ZFAT: variants seen among roughly 807,000 people sequenced by gnomAD.
ZFAT encodes zinc finger and AT-hook domain containing, also known as zinc finger protein ZFAT.
In ZFAT, 64 loss-of-function variants were observed where a neutral mutation model predicts 117.7. The ratio of observed to expected loss-of-function variants is 0.54; its 90% CI spans 0.44 to 0.67. The LOEUF is 0.67. Among genes scored for constraint, ZFAT ranks in the 30% least tolerant of loss-of-function variants. ZFAT has a pLI of 0.00. For missense variants in ZFAT, 1,433 were observed against 1,584.5 expected, an observed-to-expected ratio of 0.90 and a Z score of 1.62; for synonymous variants, 679 against 615.0, an observed-to-expected ratio of 1.10 and a Z score of -1.54.
chr8:134,826,000 G>C, the ZFAT span, among the ~76,000 whole-genome samples: 1 of 146,992 alleles, frequency 6.8e-6, no homozygotes, highest in Non-Finnish European at 1.5e-5. Flanking sequence ...CAGCCTGGGC[G>C]ACAGAGCGAG....
chr8:134,701,532 G>A (rs1015297468), intron 1 of ZFAT, among the ~76,000 whole-genome samples: 5 of 152,200 alleles, frequency 3.3e-5, no homozygotes, highest in South Asian at 2.1e-4. Context: ...TCCAAGAAGC[G>A]AAGTTGCTAA....
intron 2 of ZFAT, among the ~76,000 whole-genome samples, chr8:134,655,662 A>G (rs1831553997): frequency 6.6e-6 from 1 of 152,172 alleles, no homozygotes; most frequent in Non-Finnish European, 1.5e-5. Context: ...AGAAAATGAA[A>G]AAAATAAAAA....
In ZFAT at chr8:134,550,333, C is replaced by T. The variant is rs1460819675; in HGVS notation, c.2976+15000G>A. Among the ~76,000 whole-genome samples, 4 of 45,508 alleles carry T rather than the reference C, an allele frequency of 8.8e-5. 1 individual carries two copies. The highest frequency in any genetic ancestry group is 2.5e-3 in the East Asian group (2 of 810). 29.9% of individuals were successfully genotyped at this position (45,508 alleles called of 152,430 possible). A position where few individuals can be genotyped will look rare whatever the true frequency, so the allele number is the denominator to read the frequency against. On this transcript the variant is annotated intron_variant, in intron 11 of 15. Coordinates refer to ENST00000377838, the MANE Select transcript of ZFAT (RefSeq NM_020863.4). ...CGGAAAAAAAAAAAAAAAAAAAAAA[C>T]AGCACAGGGTAAAGATCCAGAGAGA... is the stretch of plus-strand genomic sequence containing the variant.
rs199682848 is a variant in ZFAT, at chr8:134,602,067, G to T, written c.1652C>A (p.Ala551Asp). 1.5e-4 allele frequency: 247 copies of T among 1,611,496 alleles called. No individual in the cohort carries two copies. In the East Asian group the frequency reaches 5.4e-3, roughly 35 times the overall value. ...AGCTGGGGCAGGCATTTCCCCAGGG[G>T]CCTCCGGCTCCTTCCGGCCCTCCTC... ...QLEEGRKEPE[A>D]PGEMPAPAVH... Residue 551 changes from alanine to aspartate, a missense_variant, in exon 6 of 16, where the codon GCC becomes GAC. Transcript: ENST00000377838.
intron 1 of ZFAT, among the ~76,000 whole-genome samples, chr8:134,708,811 G>T (rs1485870319): frequency 6.6e-6 from 1 of 152,128 alleles, no homozygotes; most frequent in Non-Finnish European, 1.5e-5. Flanking sequence ...AATTAGCGAG[G>T]CGTGGTGGCG....
intron 2 of ZFAT, among the ~76,000 whole-genome samples, chr8:134,646,471 A>C (rs1830904917): frequency 6.6e-6 from 1 of 152,174 alleles, no homozygotes; most frequent in Non-Finnish European, 1.5e-5. Context: ...AAAAATCTCA[A>C]ATAAACAACA....
At chr8:134,482,712 A>G (rs776855826) in intron 15 of ZFAT, among the ~76,000 whole-genome samples, 6 of 152,264 alleles carry the variant, frequency 3.9e-5, no homozygotes, top group Non-Finnish European at 5.9e-5. Flanking sequence ...AGTACAAAAA[A>G]GTTTTCCAAT....
chr8:134,625,246 C>A (rs1829420980), intron 3 of ZFAT, among the ~76,000 whole-genome samples: 1 of 152,234 alleles, frequency 6.6e-6, no homozygotes, highest in East Asian at 1.9e-4. Flanking sequence ...GGAAAATAAA[C>A]CTGTGAAGGG....
chr8:134,731,533 A>G, the ZFAT span, among the ~76,000 whole-genome samples: 1 of 152,252 alleles, frequency 6.6e-6, no homozygotes, highest in Non-Finnish European at 1.5e-5. Flanking sequence ...ACATAGACAT[A>G]TACAGAAATA....
chr8:134,597,956 G>A (rs573605748), intron 7 of ZFAT: 3 of 152,346 alleles, frequency 2.0e-5, no homozygotes, highest in East Asian at 1.9e-4. Context: ...TTTTATTATC[G>A]TAGCATAAAG....
rs764798778 is a variant in ZFAT, at chr8:134,528,816, C to T, written c.3115+4018G>A. On this transcript the variant is annotated intron_variant, in intron 12 of 15. Transcript: ENST00000377838. ...TGGCGGGAGCTGCCTAGCCCTGGTC[C>T]GCAACCTGGGCAGGAATAACAATAA... Among the ~76,000 whole-genome samples, 8 of 152,292 alleles carry T rather than the reference C, an allele frequency of 5.3e-5. No individual in the cohort carries two copies. In the South Asian group the frequency reaches 1.2e-3, roughly 24 times the overall value.
At chr8:134,525,834 G>A (rs1263656506) in intron 12 of ZFAT, among the ~76,000 whole-genome samples, 1 of 152,214 alleles carries the variant, frequency 6.6e-6, no homozygotes, top group Non-Finnish European at 1.5e-5. Context: ...AGAATATTCT[G>A]CTGAAAAGAC....
chr8:134,680,053 G>T (rs1366468883), intron 1 of ZFAT, among the ~76,000 whole-genome samples: 1 of 151,586 alleles, frequency 6.6e-6, no homozygotes, highest in African/African-American at 2.4e-5. Flanking sequence ...TAACAAACCT[G>T]CATGTTCTGT....
chr8:134,505,472 G>A (rs1819333002), intron 15 of ZFAT, among the ~76,000 whole-genome samples: 1 of 152,188 alleles, frequency 6.6e-6, no homozygotes. Context: ...AGAAGAATGT[G>A]TAAATGTGAT....
intron 1 of ZFAT, among the ~76,000 whole-genome samples, chr8:134,661,063 C>T (rs76301371): frequency 0.057 from 8,708 of 152,264 alleles, 385 homozygotes; most frequent in Non-Finnish European, 0.082. Flanking sequence ...CAGAAGGCTC[C>T]GCCACGTGAC....
chr8:134,519,512 A>C (rs1478781069), intron 13 of ZFAT, among the ~76,000 whole-genome samples: 1 of 152,254 alleles, frequency 6.6e-6, no homozygotes, highest in Non-Finnish European at 1.5e-5. Flanking sequence ...GTGCAGGTGT[A>C]CATGTATCTA....
the ZFAT span, among the ~76,000 whole-genome samples, chr8:134,819,261 G>A: frequency 6.6e-6 from 1 of 151,304 alleles, no homozygotes; most frequent in Admixed American, 6.6e-5. Flanking sequence ...GAAGAGGAAG[G>A]GGGTGAAGGA....
rs756860532 is a variant in ZFAT at position 134,512,545 on chromosome 8, G to T, written c.3291C>A (p.Ala1097=). The T allele has an allele frequency of 3.1e-6, 5 of 1,613,954 alleles. No individual in the cohort carries two copies. Among genetic ancestry groups the T allele is most frequent in the Non-Finnish European group, 8.5e-7 (1 of 1,179,898 alleles). ...PSTQYLHITE[A]EEDVQGTQAA... is the part of the protein sequence containing the mutation. ...CCTGTGTCCCTTGAACGTCTTCTTC[G>T]GCCTCTGTGATGTGGAGATACTGGG... is the stretch of plus-strand genomic sequence containing the variant. Residue 1097 remains alanine (A), a synonymous_variant, in exon 14 of 16, where the codon GCC becomes GCA. Coordinates refer to ENST00000377838, the MANE Select transcript of ZFAT (RefSeq NM_020863.4).
At chr8:134,486,254 C>T (rs978871798) in intron 15 of ZFAT, among the ~76,000 whole-genome samples, 4 of 151,812 alleles carry the variant, frequency 2.6e-5, no homozygotes, top group African/African-American at 9.7e-5. Context: ...CTCCCGCAAG[C>T]CTGTGCCCTC....
Sources: allele counts gnomAD v4.1 joint callset (sites outside exome capture counted in the v4.1 genomes callset), GRCh38; gene constraint gnomAD v4.1.1; transcripts MANE v1.5; gene names NCBI Gene and HGNC (gene_info 2026-07-23, HGNC 2026-07-21).